SNTG2: variants seen among roughly 807,000 people sequenced by gnomAD.
SNTG2 encodes the protein syntrophin gamma 2, also known as gamma-2-syntrophin.
SNTG2 carries 74 observed loss-of-function variants against 70.9 expected under a neutral mutation model. The observed-to-expected ratio is 1.04, with a 90% CI of 0.86 to 1.27. The LOEUF (loss-of-function observed/expected upper bound fraction) is 1.27. Ranked by LOEUF, SNTG2 falls within the 50% of genes most tolerant of loss-of-function variation. The probability of loss-of-function intolerance (pLI) is 0.00; values close to 1 mark genes in which losing one functional copy is unlikely to be tolerated. For missense variants in SNTG2, 717 were observed against 690.7 expected (o/e 1.04, Z -0.43); for synonymous variants, 278 against 273.8 (o/e 1.02, Z -0.15).
chr2:1,105,212 G>A (rs1386114713), intron 4 of SNTG2, among the ~76,000 whole-genome samples: 1 of 152,160 alleles, frequency 6.6e-6, no homozygotes, highest in Non-Finnish European at 1.5e-5. Flanking sequence ...AGAGGGTTTG[G>A]TGGGGGTGGG....
intron 1 of SNTG2, among the ~76,000 whole-genome samples, chr2:1,069,581 A>G (rs1313624527): frequency 6.6e-6 from 1 of 151,872 alleles, no homozygotes; most frequent in African/African-American, 2.4e-5. Flanking sequence ...TCACGAGGTC[A>G]AGAGATCGAG....
chr2:1,154,850 ACAC>A lies in SNTG2; in HGVS notation c.412-10697_412-10695del, dbSNP rs914845824. Among the ~76,000 whole-genome samples, 17 of 151,748 alleles carry A rather than the reference ACAC, an allele frequency of 1.1e-4. 1 individual carries two copies. The highest frequency in any genetic ancestry group is 4.1e-4 in the African/African-American group (17 of 41,328). On this transcript the variant is annotated intron_variant, in intron 6 of 16. Transcript: ENST00000308624. ...CCACACATATACACACACACAAACAACACATAGACATGCACACACCACACAAAC... is the reference window on the plus strand; with the variant it reads ...CCACACATATACACACACACAAACAAATAGACATGCACACACCACACAAAC...
intron 1 of SNTG2, among the ~76,000 whole-genome samples, chr2:1,014,985 GA>G (rs1026513132): frequency 6.7e-4 from 102 of 152,274 alleles, no homozygotes; most frequent in African/African-American, 2.3e-3. Flanking sequence ...GGGGCCCCGG[GA>G]GGGGGCTGGG....
chr2:1,287,281 A>C (rs1209664759), intron 14 of SNTG2, among the ~76,000 whole-genome samples: 2 of 152,216 alleles, frequency 1.3e-5, no homozygotes, highest in Admixed American at 1.3e-4. Context: ...AAAAGCTGAT[A>C]ATTGGAAATA....
chr2:988,664 T>G (rs1294298768), intron 1 of SNTG2, among the ~76,000 whole-genome samples: 2 of 152,308 alleles, frequency 1.3e-5, no homozygotes, highest in South Asian at 4.1e-4. Context: ...TCCATTGCTC[T>G]TGGGTTAAGC....
rs59141487 is a variant in SNTG2, at chr2:1,243,864, A to G, written c.889-3463A>G. ...AACATGGTGAAACCCCGTCTCTACT[A>G]AAAATACAAAAATTAGCCGGGCGTG... On this transcript the variant is annotated intron_variant, in intron 11 of 16. Coordinates refer to ENST00000308624, the MANE Select transcript of SNTG2 (RefSeq NM_018968.4). 1.4e-3 allele frequency among the ~76,000 whole-genome samples: 207 copies of G among 152,368 alleles called. 2 individuals carry two copies. Among genetic ancestry groups the G allele is most frequent in the African/African-American group, 4.9e-3 (203 of 41,590 alleles).
At chr2:1,342,144 C>G (rs1660136478) in intron 16 of SNTG2, among the ~76,000 whole-genome samples, 1 of 152,228 alleles carries the variant, frequency 6.6e-6, no homozygotes. Flanking sequence ...GCCTTCGTAG[C>G]AAGTCCTCTG....
At chr2:1,072,990 G>A (rs1663677171) in intron 1 of SNTG2, among the ~76,000 whole-genome samples, 1 of 152,214 alleles carries the variant, frequency 6.6e-6, no homozygotes, top group South Asian at 2.1e-4. Flanking sequence ...TGACTGAATT[G>A]CTGCAATCTT....
intron 14 of SNTG2, among the ~76,000 whole-genome samples, chr2:1,278,796 G>A (rs1679376794): frequency 6.6e-6 from 1 of 152,078 alleles, no homozygotes; most frequent in Non-Finnish European, 1.5e-5. Context: ...AGTTACCCGT[G>A]GTCAAACGTG....
intron 1 of SNTG2, among the ~76,000 whole-genome samples, chr2:1,024,051 G>C (rs1427848344): frequency 6.6e-6 from 1 of 152,194 alleles, no homozygotes; most frequent in African/African-American, 2.4e-5. Flanking sequence ...TGATTCTGTG[G>C]CAACAACAGT....
chr2:1,295,551 G>T (rs188899995), intron 14 of SNTG2, among the ~76,000 whole-genome samples: 7 of 152,234 alleles, frequency 4.6e-5, no homozygotes, highest in Non-Finnish European at 8.8e-5. Flanking sequence ...AATGACAGCC[G>T]TAGAGGACTG....
At chr2:1,241,401 T>C (rs1677035002) in intron 11 of SNTG2, among the ~76,000 whole-genome samples, 1 of 152,252 alleles carries the variant, frequency 6.6e-6, no homozygotes, top group African/African-American at 2.4e-5. Context: ...TGCTGACTTT[T>C]GTAGCTATAC....
At chr2:1,210,537 T>C (rs1316124999) in intron 9 of SNTG2, 1 of 152,166 alleles carries the variant, frequency 6.6e-6, no homozygotes, top group African/African-American at 2.4e-5. Context: ...ACTCACGTGT[T>C]TGTGGTGATG....
chr2:965,358 C>CA, intron 1 of SNTG2, among the ~76,000 whole-genome samples: 1 of 37,404 alleles, frequency 2.7e-5, no homozygotes, highest in Admixed American at 2.8e-4. Context: ...AGTCCTCCTC[C>CA]TGGTCCCCAA....
At chr2:1,304,879 C>G (rs1680608509) in intron 14 of SNTG2, among the ~76,000 whole-genome samples, 1 of 151,834 alleles carries the variant, frequency 6.6e-6, no homozygotes, top group South Asian at 2.1e-4. Flanking sequence ...TATTTTATTC[C>G]AAAAGCTGAA....
At chr2:1,098,507 C>A in intron 4 of SNTG2, 97 bp downstream of exon 4, 1 of 1,281,700 alleles carries the variant, frequency 7.8e-7, no homozygotes, top group South Asian at 1.2e-5. Context: ...GTGTTTTGCT[C>A]GATTACCTAA....
chr2:1,303,878 C>G (rs904018992), intron 14 of SNTG2, among the ~76,000 whole-genome samples: 3 of 152,220 alleles, frequency 2.0e-5, no homozygotes, highest in African/African-American at 7.2e-5. Flanking sequence ...GAGACTGTTT[C>G]CTCGTAAACC....
At chr2:1,080,017 C>T (rs1381808726) in intron 1 of SNTG2, among the ~76,000 whole-genome samples, 1 of 152,198 alleles carries the variant, frequency 6.6e-6, no homozygotes, top group East Asian at 1.9e-4. Flanking sequence ...GTCTCTGCAC[C>T]CTGTTCCGGG....
intron 2 of SNTG2, among the ~76,000 whole-genome samples, chr2:1,092,082 C>G (rs1437203467): frequency 6.6e-6 from 1 of 152,250 alleles, no homozygotes; most frequent in African/African-American, 2.4e-5. Context: ...CAACAGCCCC[C>G]TCACATAGCC....
Sources: allele counts gnomAD v4.1 joint callset (sites outside exome capture counted in the v4.1 genomes callset), GRCh38; gene constraint gnomAD v4.1.1; transcripts MANE v1.5; gene names NCBI Gene and HGNC (gene_info 2026-07-23, HGNC 2026-07-21).